PLA2G1B: variants seen among roughly 807,000 people sequenced by gnomAD.
The protein encoded by PLA2G1B is phospholipase A2.
A neutral mutation model predicts 12.5 loss-of-function variants in PLA2G1B; 12 were observed. That is an observed-to-expected ratio of 0.96 (90% CI 0.62 to 1.56). The LOEUF (loss-of-function observed/expected upper bound fraction) is 1.56. Ranked by LOEUF, PLA2G1B falls within the 40% of genes most tolerant of loss-of-function variation. PLA2G1B has a pLI of 0.00. For synonymous variants in PLA2G1B, 81 were observed against 73.4 expected (o/e 1.10, Z -0.53); for missense variants, 189 against 186.7 (o/e 1.01, Z -0.07).
In PLA2G1B at chr12:120,322,238, G is replaced by T; in HGVS notation, c.402C>A (p.Asn134Lys). 6.2e-7 allele frequency: 1 copy of T among 1,614,070 alleles called. No homozygotes were observed. The highest frequency in any genetic ancestry group is 1.1e-5 in the South Asian group (1 of 91,078). The change falls in exon 4 of 4, where the codon AAC becomes AAA. Residue 134 changes from asparagine to lysine, a missense_variant. Transcript: ENST00000308366. Reference sequence around the variant, plus strand: ...TGGTGTCCAGGTTCTTGTGTGCCTTGTTATATGGAGCTTTTGAAAAGCAGA... The same window carrying T: ...TGGTGTCCAGGTTCTTGTGTGCCTTTTTATATGGAGCTTTTGAAAAGCAGA... ...AAICFSKAPY[N>K]KAHKNLDTKK...
At chr12:120,325,144 T>C in intron 2 of PLA2G1B, 83 bp from the exon 3 acceptor site, 2 of 1,415,896 alleles carry the variant, frequency 1.4e-6, no homozygotes, top group South Asian at 2.4e-5. Context: ...CAGGAACAGG[T>C]GGGGATGACT....
At chr12:120,324,836 G>A in intron 3 of PLA2G1B, 98 bp downstream of exon 3, 1 of 1,323,568 alleles carries the variant, frequency 7.6e-7, no homozygotes, top group Admixed American at 1.7e-5. Flanking sequence ...CCAGAACCAA[G>A]AAAATTAACA....
intron 2 of PLA2G1B, 119 bp downstream of exon 2, chr12:120,325,742 A>C: frequency 3.2e-6 from 3 of 930,962 alleles, no homozygotes; most frequent in Non-Finnish European, 4.9e-6. Context: ...ACAAGAGGTG[A>C]AAATATGTTA....
rs375118109 is a variant in PLA2G1B at position 120,325,012 on chromosome 12, T to C, written c.244A>G (p.Ser82Gly). 2.2e-4 allele frequency: 354 copies of C among 1,613,924 alleles called. No individual in the cohort carries two copies. Among genetic ancestry groups the C allele is most frequent in the Non-Finnish European group, 2.2e-4 (265 of 1,179,972 alleles). ...NCYDQAKKLDSCKFLLDNPYT... is the reference protein window; with the variant it reads ...NCYDQAKKLDGCKFLLDNPYT... Reference sequence around the variant, plus strand: ...GGGTTGTCCAGCAGAAATTTACAGCTGTCCAGCTTCTTGGCCTGGTCATAG... The same window carrying C: ...GGGTTGTCCAGCAGAAATTTACAGCCGTCCAGCTTCTTGGCCTGGTCATAG... Residue 82 changes from serine to glycine, a missense_variant, in exon 3 of 4, where the codon AGC (serine) becomes GGC (glycine). Coordinates refer to ENST00000308366, the MANE Select transcript of PLA2G1B (RefSeq NM_000928.3).
intron 2 of PLA2G1B, 143 bp from the exon 3 acceptor site, chr12:120,325,204 G>A (rs1177971976): frequency 1.3e-6 from 1 of 770,836 alleles, no homozygotes; most frequent in South Asian, 1.8e-5. Context: ...AAAAATATAA[G>A]TCCTTTTATC....
chr12:120,326,617 A>C (rs1005284758), intron 1 of PLA2G1B, among the ~76,000 whole-genome samples: 5 of 113,358 alleles, frequency 4.4e-5, no homozygotes, highest in East Asian at 4.5e-4. Context: ...TAATAATAAT[A>C]ATAATAATCT....
At chr12:120,324,867 C>G (rs1592908410) in intron 3 of PLA2G1B, 67 bp downstream of exon 3, 6 of 1,529,642 alleles carry the variant, frequency 3.9e-6, no homozygotes, top group Non-Finnish European at 5.4e-6. Context: ...GCTGTTGTTA[C>G]TATTATTTCC....
intron 3 of PLA2G1B, among the ~76,000 whole-genome samples, chr12:120,324,237 C>T (rs1592908227): frequency 6.6e-6 from 1 of 151,878 alleles, no homozygotes; most frequent in African/African-American, 2.4e-5. Flanking sequence ...CGCTTGAACC[C>T]GGGAGGCAGA....
chr12:120,323,463 A>G (rs1232283412), intron 3 of PLA2G1B, among the ~76,000 whole-genome samples: 2 of 152,026 alleles, frequency 1.3e-5, no homozygotes, highest in South Asian at 2.1e-4. Context: ...ATAGGGTTTC[A>G]CCATATTGAC....
intron 3 of PLA2G1B, 91 bp from the exon 4 acceptor site, chr12:120,322,408 G>A: frequency 3.4e-6 from 4 of 1,191,710 alleles, no homozygotes; most frequent in Non-Finnish European, 3.6e-6. Flanking sequence ...TAAGCTGGCA[G>A]CCATTCCACT....
intron 3 of PLA2G1B, among the ~76,000 whole-genome samples, chr12:120,324,631 G>A (rs569607333): frequency 6.6e-6 from 1 of 152,218 alleles, no homozygotes; most frequent in South Asian, 2.1e-4. Flanking sequence ...TTGCACCACT[G>A]TGCTCATGCC....
At chr12:120,327,516 C>G (rs1290843827) in intron 1 of PLA2G1B, among the ~76,000 whole-genome samples, 3 of 152,140 alleles carry the variant, frequency 2.0e-5, no homozygotes, top group Non-Finnish European at 2.9e-5. Context: ...CTCAGGCAAT[C>G]TGAGTTCAGA....
In PLA2G1B at chr12:120,325,854, CACTT is replaced by C; in HGVS notation, c.194+3_194+6del. 6.2e-6 allele frequency: 10 copies of C among 1,613,316 alleles called. No individual in the cohort carries two copies. Among genetic ancestry groups the C allele is most frequent in the Non-Finnish European group, 8.5e-6 (10 of 1,179,506 alleles). ...CACTCCAATTTTCCTGCAGGCGGAT[CACTT>C]ACTTGTCCAGTTCATCCACGGGGGT... On this transcript the variant is annotated splice_donor_5th_base_variant and intron_variant, in intron 2 of 3. Coordinates refer to ENST00000308366, the MANE Select transcript of PLA2G1B (RefSeq NM_000928.3).
At position 120,325,988 on chromosome 12, in the gene PLA2G1B, C is replaced by A. The variant is rs753089060; in HGVS notation, c.67G>T (p.Ala23Ser). Residue 23 changes from alanine (A) to serine (S), a missense_variant, in exon 2 of 4, where the codon GCC becomes TCC. Coordinates refer to ENST00000308366, the MANE Select transcript of PLA2G1B (RefSeq NM_000928.3). ...ATCATTTTGCGGAACTGCCACACGG[C>A]CCGAGGGCTGATGCCGCTGTCGGCG... ...AAADSGISPRAVWQFRKMIKC... is the reference protein window; with the variant it reads ...AAADSGISPRSVWQFRKMIKC... 6.5e-5 allele frequency: 105 copies of A among 1,613,950 alleles called. No individual in the cohort carries two copies. The highest frequency in any genetic ancestry group is 8.1e-5 in the Non-Finnish European group (96 of 1,180,014).
At chr12:120,323,297 G>A (rs529431443) in intron 3 of PLA2G1B, among the ~76,000 whole-genome samples, 7 of 151,682 alleles carry the variant, frequency 4.6e-5, no homozygotes, top group East Asian at 1.9e-4. Flanking sequence ...ATAGAGTCTC[G>A]CTGTGTCGCC....
At chr12:120,325,230 G>A (rs1285788343) in intron 2 of PLA2G1B, among the ~76,000 whole-genome samples, 169 bp from the exon 3 acceptor site, 4 of 151,784 alleles carry the variant, frequency 2.6e-5, no homozygotes, top group Non-Finnish European at 4.4e-5. Flanking sequence ...TTTATTGAAA[G>A]CATTTTTTTT....
intron 1 of PLA2G1B, among the ~76,000 whole-genome samples, chr12:120,326,896 A>C (rs1873362694): frequency 6.6e-6 from 1 of 152,002 alleles, no homozygotes; most frequent in Admixed American, 6.6e-5. Flanking sequence ...GCGTGAACCC[A>C]GCAGGTGGAG....
Position 120,325,916 on chromosome 12 carries a change from AGTT to A in PLA2G1B, c.136_138del (p.Asn46del). ...CCCCCCAAGCCACAGTAGCAGCCGT[AGTT>A]GTTGTATTCCAAGAAGGGGTCACTC... is the stretch of plus-strand genomic sequence containing the variant. On this transcript the variant is annotated inframe_deletion, in exon 2 of 4. Coordinates refer to ENST00000308366, the MANE Select transcript of PLA2G1B (RefSeq NM_000928.3). 5.0e-6 allele frequency: 8 copies of A among 1,614,136 alleles called. No homozygotes were observed. Among genetic ancestry groups the A allele is most frequent in the African/African-American group, 1.3e-5 (1 of 75,042 alleles).
intron 3 of PLA2G1B, 51 bp downstream of exon 3, chr12:120,324,883 G>C: frequency 1.3e-6 from 2 of 1,593,372 alleles, no homozygotes; most frequent in Non-Finnish European, 1.7e-6. Context: ...TTTCCCCCCG[G>C]CCTACTGAGA....
Sources: gnomAD v4.1 joint callset for allele counts (sites outside exome capture counted in the v4.1 genomes callset) on GRCh38, gnomAD v4.1.1 for gene constraint, MANE v1.5 for transcripts, NCBI Gene and HGNC (gene_info 2026-07-23, HGNC 2026-07-21) for gene names.